The following PAX8 variants were observed in gnomAD, a reference collection of about 807,000 sequenced individuals.
PAX8 encodes paired box 8.
A neutral mutation model predicts 52.4 loss-of-function variants in PAX8; 15 were observed. The ratio of observed to expected loss-of-function variants is 0.29; its 90% CI spans 0.19 to 0.44. The LOEUF (loss-of-function observed/expected upper bound fraction) is 0.44. Ranked by LOEUF, PAX8 falls within the 20% of genes least tolerant of loss-of-function variation. The pLI is 1.00. For missense variants in PAX8, 554 were observed against 602.5 expected (o/e 0.92, Z 0.84); for synonymous variants, 284 against 249.7 (o/e 1.14, Z -1.29).
chr2:113,238,737 T>C (rs2104472361), intron 7 of PAX8: 2 of 152,326 alleles, frequency 1.3e-5, no homozygotes, highest in Middle Eastern at 3.4e-3. Context: ...TTTTCTCACC[T>C]GTATGGGAAT....
intron 3 of PAX8, 24 bp from the exon 4 acceptor site, chr2:113,244,648 G>C (rs755911927): frequency 6.2e-7 from 1 of 1,608,402 alleles, no homozygotes; most frequent in Non-Finnish European, 8.5e-7. Context: ...GAATCCCAAA[G>C]AATTACCCAA....
intron 2 of PAX8, chr2:113,259,167 A>G (rs1438624056): frequency 2.6e-5 from 4 of 152,622 alleles, no homozygotes; most frequent in African/African-American, 9.7e-5. Flanking sequence ...TATCAGCAAT[A>G]TAAGGTATAT....
At chr2:113,234,951 A>C (rs1690152928) in intron 9 of PAX8, among the ~76,000 whole-genome samples, 1 of 152,208 alleles carries the variant, frequency 6.6e-6, no homozygotes, top group Non-Finnish European at 1.5e-5. Context: ...GATGCTGTTA[A>C]GCTAGGAATG....
At chr2:113,224,392 T>C (rs1453494020) in intron 10 of PAX8, among the ~76,000 whole-genome samples, 2 of 151,474 alleles carry the variant, frequency 1.3e-5, no homozygotes, top group Non-Finnish European at 2.9e-5. Flanking sequence ...ACCAAAAATA[T>C]AAAAATTAGC....
chr2:113,264,527 A>G (rs1380942038), intron 2 of PAX8, among the ~76,000 whole-genome samples: 1 of 152,260 alleles, frequency 6.6e-6, no homozygotes, highest in African/African-American at 2.4e-5. Context: ...ATGTTATTGG[A>G]GAATTAGGTG....
intron 10 of PAX8, among the ~76,000 whole-genome samples, chr2:113,222,368 TTCAC>T (rs139068579): frequency 8.1e-4 from 124 of 152,334 alleles, no homozygotes; most frequent in Non-Finnish European, 1.6e-3. Context: ...CATTCATGCA[TTCAC>T]TCACTCACCC....
At chr2:113,260,317 G>A (rs1355216508) in intron 2 of PAX8, among the ~76,000 whole-genome samples, 1 of 152,218 alleles carries the variant, frequency 6.6e-6, no homozygotes, top group Non-Finnish European at 1.5e-5. Context: ...GGGTGTCTGT[G>A]TGAATGTGTG....
At chr2:113,275,905 G>C (rs1693778814) in intron 2 of PAX8, 1 of 152,242 alleles carries the variant, frequency 6.6e-6, no homozygotes, top group Non-Finnish European at 1.5e-5. Context: ...GGCAAGACCA[G>C]CCAACGACGA....
At chr2:113,229,809 G>A (rs916922752) in intron 9 of PAX8, among the ~76,000 whole-genome samples, 4 of 152,224 alleles carry the variant, frequency 2.6e-5, no homozygotes, top group African/African-American at 7.2e-5. Context: ...GGGAAGGAGT[G>A]ACAGGAAGTC....
chr2:113,221,583 A>G (rs67802835), intron 10 of PAX8, among the ~76,000 whole-genome samples: 25,298 of 152,212 alleles, frequency 0.17, 2,300 homozygotes, highest in African/African-American at 0.25. Flanking sequence ...ATGACAAAAT[A>G]TGTATTAAAT....
intron 2 of PAX8, among the ~76,000 whole-genome samples, chr2:113,252,999 G>T (rs778278687): frequency 2.0e-5 from 3 of 152,126 alleles, no homozygotes; most frequent in Non-Finnish European, 4.4e-5. Context: ...TTCACATTCG[G>T]TGCTCAGCCT....
At chr2:113,230,165 G>A (rs2104440151) in intron 9 of PAX8, among the ~76,000 whole-genome samples, 1 of 152,298 alleles carries the variant, frequency 6.6e-6, no homozygotes, top group South Asian at 2.1e-4. Flanking sequence ...TCGGGGTGGG[G>A]AGCAGTGGGA....
At chr2:113,225,876 C>T (rs1401574058) in intron 10 of PAX8, 1 of 981,320 alleles carries the variant, frequency 1.0e-6, no homozygotes, top group Non-Finnish European at 1.2e-6. Flanking sequence ...ATTATCCACA[C>T]TCTTAAAAAA....
At chr2:113,226,698 C>T in intron 10 of PAX8, 1 of 1,118,594 alleles carries the variant, frequency 8.9e-7, no homozygotes, top group Non-Finnish European at 1.1e-6. Flanking sequence ...TCATCAATAC[C>T]CTTCAGATTC....
chr2:113,227,268 C>A lies in PAX8; in HGVS notation c.1088-12G>T, dbSNP rs374956171. On this transcript the variant is annotated splice_polypyrimidine_tract_variant and intron_variant, in intron 9 of 11. Transcript: ENST00000429538. ...CACCATCTCTCGCCCTGGAAAAATACAGCAAAGAGTCGTCAGTTGGACCAT... is the reference window on the plus strand; with the variant it reads ...CACCATCTCTCGCCCTGGAAAAATAAAGCAAAGAGTCGTCAGTTGGACCAT... 1 of 1,600,316 alleles carries A rather than the reference C, an allele frequency of 6.2e-7. No individual in the cohort carries two copies. Among genetic ancestry groups the A allele is most frequent in the South Asian group, 1.1e-5 (1 of 88,994 alleles).
intron 6 of PAX8, 126 bp downstream of exon 6, chr2:113,241,882 A>T: frequency 7.0e-7 from 1 of 1,430,278 alleles, no homozygotes; most frequent in Non-Finnish European, 9.7e-7. Flanking sequence ...GGGACAGGAC[A>T]TGTGACAGTC....
chr2:113,232,510 A>G (rs1200758889), intron 9 of PAX8, among the ~76,000 whole-genome samples: 1 of 152,204 alleles, frequency 6.6e-6, no homozygotes, highest in African/African-American at 2.4e-5. Context: ...CCGGTGCTGC[A>G]TATTTGGCTG....
rs369781878 is a variant in PAX8, at chr2:113,241,737, C to T, written c.602-11G>A. On this transcript the variant is annotated splice_polypyrimidine_tract_variant and intron_variant, in intron 6 of 11. Transcript: ENST00000429538. Reference sequence around the variant, plus strand: ...AGCTATCCTGATCACCTGGTACCCCCCGGGAAGGAAGAAAGCTTTTAGGGG... The same window carrying T: ...AGCTATCCTGATCACCTGGTACCCCTCGGGAAGGAAGAAAGCTTTTAGGGG... The T allele has an allele frequency of 4.7e-5, 76 of 1,613,754 alleles. No individual in the cohort carries two copies. Among genetic ancestry groups the T allele is most frequent in the Non-Finnish European group, 2.5e-6 (3 of 1,179,950 alleles).
chr2:113,249,398 G>A (rs528512912), intron 2 of PAX8, among the ~76,000 whole-genome samples: 3 of 152,326 alleles, frequency 2.0e-5, no homozygotes, highest in African/African-American at 7.2e-5. Flanking sequence ...ACCTTCAGCA[G>A]TCCAGCTTTG....
Sources: gnomAD v4.1 joint callset for allele counts (sites outside exome capture counted in the v4.1 genomes callset) on GRCh38, gnomAD v4.1.1 for gene constraint, MANE v1.5 for transcripts, NCBI Gene and HGNC (gene_info 2026-07-23, HGNC 2026-07-21) for gene names.